Variants in MLLT1 observed in about 807,000 individuals in gnomAD.
The protein encoded by MLLT1 is MLLT1 super elongation complex subunit.
A neutral mutation model predicts 55.1 loss-of-function variants in MLLT1; 11 were observed. That is an observed-to-expected ratio of 0.20 (90% CI 0.13 to 0.33). The LOEUF (loss-of-function observed/expected upper bound fraction) is 0.33, where lower values mean the gene tolerates loss of function less well. Among genes scored for constraint, MLLT1 ranks in the 10% least tolerant of loss-of-function variants. MLLT1 has a pLI of 1.00. For synonymous variants in MLLT1, 323 were observed against 320.1 expected (o/e 1.01, Z -0.10); for missense variants, 536 against 760.6 (o/e 0.70, Z 3.47).
chr19:6,270,115 C>T lies in MLLT1; in HGVS notation c.193+464G>A, dbSNP rs951510415. ...GCTGACAGAATACACGACTGAGGCA[C>T]TCGTGCTGAATCAATGACGGCCTGA... On this transcript the variant is annotated intron_variant, in intron 2 of 11. Coordinates refer to ENST00000252674, the MANE Select transcript of MLLT1 (RefSeq NM_005934.4). The surrounding 1 kb of genome is among the most constrained non-coding windows in gnomAD (Gnocchi z 7.1). Among the ~76,000 whole-genome samples, 5 of 152,174 alleles carry T rather than the reference C, an allele frequency of 3.3e-5. No homozygotes were observed. Among genetic ancestry groups the T allele is most frequent in the African/African-American group, 9.7e-5 (4 of 41,424 alleles).
At chr19:6,244,812 G>C (rs182425612) in intron 3 of MLLT1, among the ~76,000 whole-genome samples, 11 of 152,190 alleles carry the variant, frequency 7.2e-5, no homozygotes, top group Non-Finnish European at 1.5e-4. Flanking sequence ...GAATATATGG[G>C]TTGCAAATAA....
rs1568292110 is a variant in MLLT1 at position 6,256,168 on chromosome 19, G to T, written c.276+6060C>A. The stretch of plus-strand genomic sequence containing the variant: ...GGAGGCAGAGGTTGCGATGAGCCAG[G>T]ATCGTGCCACTGCACTCCAGCCTGG... On this transcript the variant is annotated intron_variant, in intron 3 of 11. Transcript: ENST00000252674. The surrounding 1 kb of genome is among the most constrained non-coding windows in gnomAD (Gnocchi z 4.1). Among the ~76,000 whole-genome samples the T allele has an allele frequency of 6.6e-6, 1 of 151,794 alleles. No individual in the cohort carries two copies. Among genetic ancestry groups the T allele is most frequent in the Non-Finnish European group, 1.5e-5 (1 of 68,018 alleles).
At chr19:6,225,911 C>T (rs1277424705) in intron 5 of MLLT1, among the ~76,000 whole-genome samples, 1 of 152,230 alleles carries the variant, frequency 6.6e-6, no homozygotes, top group Admixed American at 6.5e-5. Flanking sequence ...GCTTTTCCTT[C>T]ATTGAGCCTC....
At position 6,218,033 on chromosome 19, in the gene MLLT1, C is replaced by CTGG; in HGVS notation, c.1116_1118dup (p.Ala372_Gln373insHis). ...TGGAGCTGGAGTTGGACGGGCTTGA[C>CTGG]TGGGCAGACTTCACCCAATGGTGGG... On this transcript the variant is annotated inframe_insertion, in exon 7 of 12. Coordinates refer to ENST00000252674, the MANE Select transcript of MLLT1 (RefSeq NM_005934.4). 6.2e-7 allele frequency: 1 copy of CTGG among 1,609,630 alleles called. No homozygotes were observed. Among genetic ancestry groups the CTGG allele is most frequent in the Non-Finnish European group, 8.5e-7 (1 of 1,177,972 alleles).
At chr19:6,237,027 G>C (rs866126117) in intron 3 of MLLT1, among the ~76,000 whole-genome samples, 2 of 152,266 alleles carry the variant, frequency 1.3e-5, no homozygotes, top group South Asian at 2.1e-4. Context: ...CAGACGAACT[G>C]GCCAAACAGG....
intron 3 of MLLT1, among the ~76,000 whole-genome samples, chr19:6,234,795 G>C (rs1217624702): frequency 6.6e-6 from 1 of 152,086 alleles, no homozygotes; most frequent in Non-Finnish European, 1.5e-5. Flanking sequence ...AGCAAAAAAA[G>C]AGTGCTTGAA....
intron 3 of MLLT1, among the ~76,000 whole-genome samples, chr19:6,252,449 T>C (rs985528390): frequency 1.3e-5 from 2 of 152,196 alleles, no homozygotes; most frequent in Non-Finnish European, 2.9e-5. Flanking sequence ...CCTATTGATT[T>C]TGTCTGGAGA....
intron 3 of MLLT1, among the ~76,000 whole-genome samples, chr19:6,258,069 G>A (rs531947380): frequency 2.6e-5 from 4 of 152,252 alleles, no homozygotes; most frequent in Admixed American, 6.5e-5. Flanking sequence ...ACTGGAAAAC[G>A]GCTTAGCAGT....
At chr19:6,271,688 C>T (rs1346647203) in intron 1 of MLLT1, among the ~76,000 whole-genome samples, 13 of 152,214 alleles carry the variant, frequency 8.5e-5, no homozygotes, top group Admixed American at 1.3e-4. Context: ...TTCACAGATA[C>T]GGCCCTGACA....
At chr19:6,220,082 G>A (rs553893240) in intron 6 of MLLT1, among the ~76,000 whole-genome samples, 97 of 152,366 alleles carry the variant, frequency 6.4e-4, no homozygotes, top group Non-Finnish European at 1.2e-3. Flanking sequence ...GGAGGACGTG[G>A]GAGCTCGGCT....
chr19:6,242,287 T>C (rs1186359782), intron 3 of MLLT1, among the ~76,000 whole-genome samples: 2 of 152,166 alleles, frequency 1.3e-5, no homozygotes, highest in African/African-American at 4.8e-5. Flanking sequence ...TCCCCTGTCA[T>C]GTGCGACTGC....
At chr19:6,243,150 G>C (rs560212323) in intron 3 of MLLT1, among the ~76,000 whole-genome samples, 2 of 152,230 alleles carry the variant, frequency 1.3e-5, no homozygotes, top group South Asian at 2.1e-4. Flanking sequence ...CGTAAAGCGG[G>C]AACGTGGCGG....
At chr19:6,233,639 G>A (rs1168770288) in intron 3 of MLLT1, among the ~76,000 whole-genome samples, 5 of 152,216 alleles carry the variant, frequency 3.3e-5, no homozygotes, top group African/African-American at 7.2e-5. Context: ...GCCAAAACGC[G>A]AGAGGTGGTG....
chr19:6,212,104 G>A lies in MLLT1; in HGVS notation c.*938C>T, dbSNP rs2090778928. The stretch of plus-strand genomic sequence containing the variant: ...TGAAGACTTGAATGAAAGAGAGGAA[G>A]AGGAGCCTATGGGAGGAGGCCGAGC... On this transcript the variant is annotated 3_prime_UTR_variant, in exon 12 of 12. Transcript: ENST00000252674. 6 of 1,066,410 alleles carry A rather than the reference G, an allele frequency of 5.6e-6. No homozygotes were observed. The highest frequency in any genetic ancestry group is 5.7e-6 in the Non-Finnish European group (5 of 879,688). 66.1% of individuals were successfully genotyped at this position (1,066,410 alleles called of 1,614,324 possible).
At position 6,271,852 on chromosome 19, in the gene MLLT1, G is replaced by C. The variant is rs1338986016; in HGVS notation, c.13-1093C>G. On this transcript the variant is annotated intron_variant, in intron 1 of 11. Coordinates refer to ENST00000252674, the MANE Select transcript of MLLT1 (RefSeq NM_005934.4). The stretch of plus-strand genomic sequence containing the variant: ...GCCCTCCCGGGCCCCAGACCAGACA[G>C]CTCCCATCTGCGCCTTTCCACGCCA... 4.6e-5 allele frequency among the ~76,000 whole-genome samples: 7 copies of C among 152,354 alleles called. No homozygotes were observed. In the East Asian group the frequency reaches 1.3e-3, roughly 29 times the overall value.
At chr19:6,276,927 G>T (rs767979681) in intron 1 of MLLT1, among the ~76,000 whole-genome samples, 26 of 152,158 alleles carry the variant, frequency 1.7e-4, no homozygotes, top group Non-Finnish European at 2.8e-4. Flanking sequence ...TGCTTCTTAG[G>T]GGGGTCTGAA....
intron 3 of MLLT1, among the ~76,000 whole-genome samples, chr19:6,258,943 C>T (rs868674204): frequency 4.6e-5 from 7 of 152,160 alleles, no homozygotes; most frequent in South Asian, 4.1e-4. Context: ...ATGTGCCACG[C>T]GCCGGGCCAA....
In MLLT1 at chr19:6,272,882, G is replaced by A. The variant is rs190394739; in HGVS notation, c.13-2123C>T. Among the ~76,000 whole-genome samples the A allele has an allele frequency of 2.2e-3, 334 of 152,336 alleles. 1 individual carries two copies. The highest frequency in any genetic ancestry group is 7.6e-3 in the African/African-American group (314 of 41,572). On this transcript the variant is annotated intron_variant, in intron 1 of 11. Transcript: ENST00000252674. ...GCCAGGTATAAGAAATGAGGCGGAG[G>A]CGTGCAATTTCTATTTGGCAACTTA... is the stretch of plus-strand genomic sequence containing the variant.
chr19:6,228,727 G>C (rs1287820378), intron 4 of MLLT1, among the ~76,000 whole-genome samples: 1 of 152,118 alleles, frequency 6.6e-6, no homozygotes, highest in Non-Finnish European at 1.5e-5. Flanking sequence ...CCCGAGAGGA[G>C]CCCCTGCCAC....
Sources: allele counts gnomAD v4.1 joint callset (sites outside exome capture counted in the v4.1 genomes callset), GRCh38; gene constraint gnomAD v4.1.1; non-coding constraint Gnocchi (gnomAD v3.1); transcripts MANE v1.5; gene names NCBI Gene and HGNC (gene_info 2026-07-23, HGNC 2026-07-21).